Variants in BRI3 observed in about 807,000 individuals in gnomAD.
BRI3 encodes membrane protein BRI3.
Under a neutral mutation model 12.8 loss-of-function variants are expected in BRI3, and 6 were observed. That is an observed-to-expected ratio of 0.47 (90% CI 0.26 to 0.93). The LOEUF (loss-of-function observed/expected upper bound fraction) is 0.93. Among genes scored for constraint, BRI3 ranks in the 40% least tolerant of loss-of-function variants. The pLI, the probability that BRI3 is intolerant of heterozygous loss-of-function variation, is 0.15. For missense variants in BRI3, 134 were observed against 171.1 expected (o/e 0.78, Z 1.21); for synonymous variants, 91 against 76.1 (o/e 1.20, Z -1.02).
chr7:98,285,889 C>T (rs1381488142), intron 2 of BRI3, among the ~76,000 whole-genome samples: 1 of 152,180 alleles, frequency 6.6e-6, no homozygotes. Flanking sequence ...GCTTCAGGCC[C>T]TCAGCCCTCT....
downstream of BRI3, among the ~76,000 whole-genome samples, chr7:98,297,208 C>T (rs987882095): frequency 1.3e-5 from 2 of 152,224 alleles, no homozygotes; most frequent in African/African-American, 4.8e-5. Flanking sequence ...CCGCAAGAAT[C>T]CAAGAATCCA....
the BRI3 span, among the ~76,000 whole-genome samples, chr7:98,319,823 T>C: frequency 6.6e-6 from 1 of 152,188 alleles, no homozygotes; most frequent in South Asian, 2.1e-4. Flanking sequence ...AGTGCTGGGA[T>C]TACAGGCATG....
the BRI3 span, chr7:98,315,628 T>TAATAAG: frequency 2.1e-6 from 2 of 936,034 alleles, no homozygotes; most frequent in Non-Finnish European, 2.8e-6. Context: ...AAAAAAAAAA[T>TAATAAG]AATAATAATA....
chr7:98,299,535 TAG>T (rs1304111279), intron 1 of BRI3, among the ~76,000 whole-genome samples: 3 of 151,968 alleles, frequency 2.0e-5, no homozygotes, highest in African/African-American at 7.3e-5. Flanking sequence ...TTTTTATATA[TAG>T]AGAGAGATGG....
intron 2 of BRI3, among the ~76,000 whole-genome samples, chr7:98,289,197 A>G (rs1799814306): frequency 6.6e-6 from 1 of 152,234 alleles, no homozygotes; most frequent in Non-Finnish European, 1.5e-5. Flanking sequence ...ACCTCAGGTC[A>G]TCCACCCACC....
chr7:98,315,880 G>C, the BRI3 span, among the ~76,000 whole-genome samples: 1 of 152,186 alleles, frequency 6.6e-6, no homozygotes, highest in Non-Finnish European at 1.5e-5. Flanking sequence ...TTGTACTTCA[G>C]AGATATGATC....
At position 98,290,638 on chromosome 7, in the gene BRI3, A is replaced by T. The variant is rs113356537; in HGVS notation, c.246-473A>T. On this transcript the variant is annotated intron_variant, in intron 2 of 2. Transcript: ENST00000297290. ...CTCAGCCTCCCAAGTAGCCGGGACTACAGGCATGTGCCACCACGCCTGGCA... is the reference window on the plus strand; with the variant it reads ...CTCAGCCTCCCAAGTAGCCGGGACTTCAGGCATGTGCCACCACGCCTGGCA... Among the ~76,000 whole-genome samples the T allele has an allele frequency of 1.6e-4, 25 of 152,266 alleles. 1 individual carries two copies. Among genetic ancestry groups the T allele is most frequent in the African/African-American group, 6.0e-4 (25 of 41,546 alleles).
chr7:98,288,866 G>C lies in BRI3; in HGVS notation c.246-2245G>C, dbSNP rs191763002. The stretch of plus-strand genomic sequence containing the variant: ...CTCAGCTTCCCAAAGTGCTGCAGTT[G>C]CAGGCGTGAGCCACGGTGTCCTACT... On this transcript the variant is annotated intron_variant, in intron 2 of 2. Transcript: ENST00000297290. Among the ~76,000 whole-genome samples the C allele has an allele frequency of 1.0e-3, 155 of 152,076 alleles. 1 individual carries two copies. The highest frequency in any genetic ancestry group is 1.6e-3 in the Non-Finnish European group (106 of 67,972).
chr7:98,290,299 C>T (rs1261885273), intron 2 of BRI3, among the ~76,000 whole-genome samples: 1 of 149,996 alleles, frequency 6.7e-6, no homozygotes. Flanking sequence ...GGGTTCACGC[C>T]ATTCTCCTGC....
chr7:98,317,400 G>A, the BRI3 span: 45 of 1,606,086 alleles, frequency 2.8e-5, no homozygotes, highest in East Asian at 3.1e-4. Context: ...GGCACCACAC[G>A]AATTGTCACA....
the BRI3 span, among the ~76,000 whole-genome samples, chr7:98,316,624 T>C: frequency 2.1e-4 from 32 of 152,360 alleles, no homozygotes; most frequent in Middle Eastern, 6.8e-3. Flanking sequence ...TTTCTATGTG[T>C]TGGGGACATT....
chr7:98,292,885 G>A (rs1012360248), downstream of BRI3: 34 of 1,436,596 alleles, frequency 2.4e-5, no homozygotes, highest in African/African-American at 1.0e-4. Flanking sequence ...AGGAGATTTC[G>A]TCGAGTGCTA....
chr7:98,321,416 G>C, the BRI3 span, among the ~76,000 whole-genome samples: 1 of 152,196 alleles, frequency 6.6e-6, no homozygotes, highest in African/African-American at 2.4e-5. Context: ...CCCGCAGCAG[G>C]AAGAGTGCTC....
chr7:98,322,120 A>T, the BRI3 span, among the ~76,000 whole-genome samples: 1 of 152,096 alleles, frequency 6.6e-6, no homozygotes, highest in African/African-American at 2.4e-5. Context: ...AAGGAATTCT[A>T]GTGGGGAACT....
At chr7:98,320,354 A>C in the BRI3 span, 66 of 1,388,260 alleles carry the variant, frequency 4.8e-5, no homozygotes, top group Middle Eastern at 9.1e-4. Context: ...TTTTGTTTTG[A>C]AATGGAGTTT....
intron 2 of BRI3, among the ~76,000 whole-genome samples, chr7:98,286,219 C>T (rs548415755): frequency 4.1e-4 from 62 of 152,268 alleles, no homozygotes; most frequent in African/African-American, 1.4e-3. Flanking sequence ...ACAGGGAGGG[C>T]GAGGATGGCC....
upstream of BRI3, among the ~76,000 whole-genome samples, chr7:98,305,043 T>C (rs866238770): frequency 8.1e-6 from 1 of 123,562 alleles, no homozygotes; most frequent in Non-Finnish European, 1.6e-5. Context: ...TTTTTTTGTT[T>C]TTTGTTTTTT....
downstream of BRI3, among the ~76,000 whole-genome samples, chr7:98,310,923 T>C (rs544322376): frequency 1.3e-5 from 2 of 152,148 alleles, no homozygotes; most frequent in African/African-American, 2.4e-5. Context: ...TGACCTCAAG[T>C]GATCTGCCCG....
chr7:98,290,687 CAG>C (rs1382365924), intron 2 of BRI3, among the ~76,000 whole-genome samples: 5 of 151,838 alleles, frequency 3.3e-5, no homozygotes, highest in African/African-American at 4.8e-5. Context: ...TTAGTAGAGA[CAG>C]GGTTTCACCG....
Sources: allele counts gnomAD v4.1 joint callset (sites outside exome capture counted in the v4.1 genomes callset), GRCh38; gene constraint gnomAD v4.1.1; transcripts MANE v1.5; gene names NCBI Gene and HGNC (gene_info 2026-07-23, HGNC 2026-07-21).